The following FEZ1 variants were observed in gnomAD, a reference collection of about 807,000 sequenced individuals.
FEZ1 encodes the protein fasciculation and elongation protein zeta-1.
Under a neutral mutation model 49.3 loss-of-function variants are expected in FEZ1, and 20 were observed. The observed-to-expected ratio is 0.41, with a 90% CI of 0.29 to 0.59. FEZ1 has a LOEUF of 0.59. FEZ1 is among the 20% of genes least tolerant of loss of function. The pLI, the probability that FEZ1 is intolerant of heterozygous loss-of-function variation, is 0.36. For missense variants in FEZ1, 413 were observed against 476.0 expected (o/e 0.87, Z 1.23); for synonymous variants, 170 against 180.9 (o/e 0.94, Z 0.48).
At chr11:125,471,802 T>C (rs1957185238) in intron 3 of FEZ1, among the ~76,000 whole-genome samples, 2 of 152,096 alleles carry the variant, frequency 1.3e-5, no homozygotes, top group African/African-American at 4.8e-5. Context: ...CAACCAACAA[T>C]TGCAGAATGT....
At position 125,449,441 on chromosome 11, in the gene FEZ1, A is replaced by AAAAAAAAAAAAAAAAG. The variant is rs796507357; in HGVS notation, c.1097-875_1097-874insCTTTTTTTTTTTTTTT. On this transcript the variant is annotated intron_variant, in intron 8 of 9. Coordinates refer to ENST00000278919, the MANE Select transcript of FEZ1 (RefSeq NM_005103.5). ...ATAAAAAAAAAAAAAAAAAAAAAAA[A>AAAAAAAAAAAAAAAAG]AAGAAGAAGAGGAAGAAAAGAAAAA... Among the ~76,000 whole-genome samples, 26 of 128,244 alleles carry AAAAAAAAAAAAAAAAG rather than the reference A, an allele frequency of 2.0e-4. 1 individual carries two copies. The highest frequency in any genetic ancestry group is 4.1e-4 in the African/African-American group (15 of 36,292). 84.1% of individuals were successfully genotyped at this position (128,244 alleles called of 152,430 possible). A position where few individuals can be genotyped will look rare whatever the true frequency, so the allele number is the denominator to read the frequency against.
At chr11:125,458,997 C>T (rs1185278816) in intron 5 of FEZ1, among the ~76,000 whole-genome samples, 2 of 151,894 alleles carry the variant, frequency 1.3e-5, no homozygotes, top group Admixed American at 6.6e-5. Context: ...ACCTGGGAGG[C>T]GGAGGTTGCA....
At chr11:125,455,788 G>A (rs1375569772) in intron 6 of FEZ1, 47 bp downstream of exon 6, 1 of 1,602,954 alleles carries the variant, frequency 6.2e-7, no homozygotes, top group South Asian at 1.1e-5. Flanking sequence ...AAACGGGCAG[G>A]GTTGGAGGTT....
rs1259483277 is a variant in FEZ1, at chr11:125,463,566, T to C, written c.416A>G (p.His139Arg). ...LNGNCSDTEI[H>R]EKEEEEFNEK... ...ATTGAACTCTTCCTCTTCTTTCTCA[T>C]GGATCTGGAGAGGAGGTGGGGAGAT... The change falls in exon 4 of 10, where the codon CAT becomes CGT. Residue 139 changes from histidine (H) to arginine (R), a missense_variant. His to Arg is a conservative substitution (Grantham distance 29). Coordinates refer to ENST00000278919, the MANE Select transcript of FEZ1 (RefSeq NM_005103.5). 1.2e-6 allele frequency: 2 copies of C among 1,603,802 alleles called. No individual in the cohort carries two copies. The highest frequency in any genetic ancestry group is 8.5e-7 in the Non-Finnish European group (1 of 1,170,618).
chr11:125,485,550 T>C (rs1448264668), intron 2 of FEZ1, among the ~76,000 whole-genome samples: 2 of 152,216 alleles, frequency 1.3e-5, no homozygotes, highest in Non-Finnish European at 2.9e-5. Flanking sequence ...GCTACTTCCC[T>C]TGTCTAGTGT....
chr11:125,455,890 T>A lies in FEZ1; in HGVS notation c.884A>T (p.Lys295Ile). Residue 295 changes from lysine (K) to isoleucine (I), a missense_variant, in exon 6 of 10, where the codon AAA (lysine) becomes ATA (isoleucine). Transcript: ENST00000278919. ...RELMKKRRKE[K>I]GLSLQSSRIE... ...CCGGCTGCTCTGCAGGCTCAGCCCT[T>A]TCTCTTTCCGCCTCTTTTTCATCAG... is the stretch of plus-strand genomic sequence containing the variant. 1.2e-6 allele frequency: 2 copies of A among 1,613,690 alleles called. No individual in the cohort carries two copies. Among genetic ancestry groups the A allele is most frequent in the Non-Finnish European group, 1.7e-6 (2 of 1,179,938 alleles).
In FEZ1 at chr11:125,479,845, C is replaced by A. The variant is rs184558018; in HGVS notation, c.411+1689G>T. On this transcript the variant is annotated intron_variant, in intron 3 of 9. Coordinates refer to ENST00000278919, the MANE Select transcript of FEZ1 (RefSeq NM_005103.5). ...GTTGTTAATAAATTACTTAGTCTAACGTATCCTGTTACAGCAGCCCAAACT... is the reference window on the plus strand; with the variant it reads ...GTTGTTAATAAATTACTTAGTCTAAAGTATCCTGTTACAGCAGCCCAAACT... Among the ~76,000 whole-genome samples the A allele has an allele frequency of 5.3e-5, 8 of 152,198 alleles. No individual in the cohort carries two copies. The East Asian group carries it at 1.3e-3, about 26-fold the overall frequency.
intron 3 of FEZ1, among the ~76,000 whole-genome samples, chr11:125,472,346 C>G (rs1431820283): frequency 1.3e-5 from 2 of 151,854 alleles, no homozygotes; most frequent in African/African-American, 4.8e-5. Flanking sequence ...GATAATCCCA[C>G]AGACCAGCTG....
chr11:125,453,972 C>A, intron 7 of FEZ1, 158 bp downstream of exon 7: 111 of 358,428 alleles, frequency 3.1e-4, no homozygotes, highest in Middle Eastern at 1.5e-3. Flanking sequence ...AAAAGATATT[C>A]TCTGTTCCTC....
At chr11:125,490,856 T>C (rs1031517667) in intron 1 of FEZ1, among the ~76,000 whole-genome samples, 2 of 152,032 alleles carry the variant, frequency 1.3e-5, no homozygotes, top group Non-Finnish European at 2.9e-5. Flanking sequence ...CCTACACCTC[T>C]GGGTTCCACC....
intron 1 of FEZ1, among the ~76,000 whole-genome samples, chr11:125,492,049 T>C (rs781412036): frequency 6.6e-6 from 1 of 152,252 alleles, no homozygotes; most frequent in Non-Finnish European, 1.5e-5. Flanking sequence ...AAGTAATATG[T>C]TTATTTAATC....
In FEZ1 at chr11:125,445,916, A is replaced by G. The variant is rs1006821962; in HGVS notation, c.*179T>C. Reference sequence around the variant, plus strand: ...CCGGCCCTGCCCCATCATGCATCCAATGATTACTAGCACTAGAAGCCAACG... The same window carrying G: ...CCGGCCCTGCCCCATCATGCATCCAGTGATTACTAGCACTAGAAGCCAACG... On this transcript the variant is annotated 3_prime_UTR_variant, in exon 10 of 10. Transcript: ENST00000278919. The surrounding 1 kb of genome is among the most constrained non-coding windows in gnomAD (Gnocchi z 4.4). The G allele has an allele frequency of 9.7e-5, 67 of 692,630 alleles. No homozygotes were observed. The highest frequency in any genetic ancestry group is 6.0e-4 in the Middle Eastern group (2 of 3,340). The allele number at this position is 692,630 out of a possible 1,614,324, so 42.9% of individuals were successfully genotyped here. A position where few individuals can be genotyped will look rare whatever the true frequency, so the allele number is the denominator to read the frequency against.
intron 5 of FEZ1, among the ~76,000 whole-genome samples, chr11:125,457,614 T>C (rs1368672123): frequency 6.6e-6 from 1 of 151,262 alleles, no homozygotes; most frequent in Non-Finnish European, 1.5e-5. Flanking sequence ...AAGAATTAAT[T>C]GATTGACTGG....
chr11:125,471,414 A>G (rs1957181806), intron 3 of FEZ1, among the ~76,000 whole-genome samples: 1 of 140,420 alleles, frequency 7.1e-6, no homozygotes, highest in South Asian at 2.4e-4. Flanking sequence ...GGCAGAAACT[A>G]AAAGGATTGA....
chr11:125,455,696 C>G (rs775340077), intron 6 of FEZ1, 139 bp downstream of exon 6: 1 of 846,872 alleles, frequency 1.2e-6, no homozygotes, highest in Non-Finnish European at 2.0e-6. Context: ...CCCTTTCTGA[C>G]CCCCTGTCTG....
In FEZ1 at chr11:125,446,060, G is replaced by T; in HGVS notation, c.*35C>A. The T allele has an allele frequency of 6.2e-7, 1 of 1,606,876 alleles. No individual in the cohort carries two copies. The highest frequency in any genetic ancestry group is 8.5e-7 in the Non-Finnish European group (1 of 1,173,520). On this transcript the variant is annotated 3_prime_UTR_variant, in exon 10 of 10. Transcript: ENST00000278919. The stretch of plus-strand genomic sequence containing the variant: ...TGTGATGGAATGACTCTTGCTCAGT[G>T]ACCTCCTGCAGCGAGGCTGCTCCAA...
chr11:125,457,440 A>ATATATATATG (rs1957025171), intron 5 of FEZ1, among the ~76,000 whole-genome samples: 1 of 72,478 alleles, frequency 1.4e-5, no homozygotes. Context: ...ATATATATAT[A>ATATATATATG]TATATATATA....
intron 3 of FEZ1, among the ~76,000 whole-genome samples, chr11:125,479,000 G>A (rs950812173): frequency 2.0e-5 from 3 of 152,124 alleles, no homozygotes; most frequent in East Asian, 3.9e-4. Flanking sequence ...TCTTCTTTGC[G>A]GTTTGGGTAA....
At chr11:125,464,883 A>G (rs1482983358) in intron 3 of FEZ1, among the ~76,000 whole-genome samples, 1 of 152,172 alleles carries the variant, frequency 6.6e-6, no homozygotes, top group Non-Finnish European at 1.5e-5. Flanking sequence ...CTCTCTGCCA[A>G]GTCCACCACC....
Sources: gnomAD v4.1 joint callset for allele counts (sites outside exome capture counted in the v4.1 genomes callset) on GRCh38, gnomAD v4.1.1 for gene constraint, Gnocchi (gnomAD v3.1) non-coding constraint, MANE v1.5 for transcripts, NCBI Gene and HGNC (gene_info 2026-07-23, HGNC 2026-07-21) for gene names.